Variants in ELOVL7 observed in about 807,000 individuals in gnomAD.
The protein encoded by ELOVL7 is ELOVL fatty acid elongase 7, also known as very long chain fatty acid elongase 7.
In ELOVL7, 27 loss-of-function variants were observed where a neutral mutation model predicts 35.7. That is an observed-to-expected ratio of 0.76 (90% CI 0.56 to 1.04). The LOEUF is 1.04. Among genes scored for constraint, ELOVL7 ranks in the 50% least tolerant of loss-of-function variants. The pLI, the probability that ELOVL7 is intolerant of heterozygous loss-of-function variation, is 0.00. For missense variants in ELOVL7, 327 were observed against 340.8 expected (o/e 0.96, Z 0.32); for synonymous variants, 113 against 114.6 (o/e 0.99, Z 0.09).
chr5:60,819,693 C>A (rs1057023180), intron 1 of ELOVL7, among the ~76,000 whole-genome samples: 3 of 151,892 alleles, frequency 2.0e-5, no homozygotes, highest in Non-Finnish European at 4.4e-5. Context: ...GGCTGAGGCA[C>A]GAGAATCATT....
At chr5:60,774,132 T>C (rs1452901858) in intron 3 of ELOVL7, among the ~76,000 whole-genome samples, 1 of 152,218 alleles carries the variant, frequency 6.6e-6, no homozygotes, top group Non-Finnish European at 1.5e-5. Context: ...TAACTCATTC[T>C]ATGAAACCAG....
chr5:60,759,996 C>G (rs1239219722), intron 7 of ELOVL7, among the ~76,000 whole-genome samples: 2 of 152,190 alleles, frequency 1.3e-5, no homozygotes, highest in African/African-American at 4.8e-5. Context: ...GCATAGTATT[C>G]CATGGTATAT....
Position 60,754,642 on chromosome 5 carries a change from G to A in ELOVL7, c.828C>T (p.Cys276=). ...RLPKTVKNGT[C]KNKDN is the part of the protein sequence containing the mutation. ...TTGGGCTTCAATTATCTTTGTTTTTGCAAGTTCCATTTTTCACAGTTTTGG... is the reference window on the plus strand; with the variant it reads ...TTGGGCTTCAATTATCTTTGTTTTTACAAGTTCCATTTTTCACAGTTTTGG... Residue 276 remains cysteine, a synonymous_variant, in exon 9 of 9, where the codon TGC becomes TGT. Transcript: ENST00000508821. 6.2e-7 allele frequency: 1 copy of A among 1,613,844 alleles called. No homozygotes were observed. The highest frequency in any genetic ancestry group is 2.2e-5 in the East Asian group (1 of 44,870).
chr5:60,759,479 T>C (rs1741748827), intron 7 of ELOVL7, among the ~76,000 whole-genome samples: 1 of 152,138 alleles, frequency 6.6e-6, no homozygotes, highest in Non-Finnish European at 1.5e-5. Context: ...GCCAAATACC[T>C]CTCAAATTCA....
chr5:60,787,242 T>C, intron 3 of ELOVL7, 92 bp downstream of exon 3: 1 of 1,083,210 alleles, frequency 9.2e-7, no homozygotes, highest in Non-Finnish European at 1.4e-6. Flanking sequence ...AGTTGCAAAG[T>C]CTCTCATTCT....
chr5:60,772,446 G>A (rs748207725), intron 3 of ELOVL7, among the ~76,000 whole-genome samples: 3 of 152,104 alleles, frequency 2.0e-5, no homozygotes, highest in African/African-American at 4.8e-5. Context: ...GTACCCGACC[G>A]TGCTGGCACC....
chr5:60,753,584 C>G lies in ELOVL7; in HGVS notation c.*1040G>C, dbSNP rs899468919. 2.0e-5 allele frequency: 3 copies of G among 152,134 alleles called. No individual in the cohort carries two copies. Among genetic ancestry groups the G allele is most frequent in the Non-Finnish European group, 2.9e-5 (2 of 68,010 alleles). The allele number at this position is 152,134 out of a possible 1,614,324, so 9.4% of individuals were successfully genotyped here. On this transcript the variant is annotated 3_prime_UTR_variant, in exon 9 of 9. Coordinates refer to ENST00000508821, the MANE Select transcript of ELOVL7 (RefSeq NM_024930.3). ...GGATATTCTCTGTGCCACAATTTGC[C>G]TCTAGTTGCTTCACAGCCACTCTAA...
intron 2 of ELOVL7, among the ~76,000 whole-genome samples, chr5:60,798,414 T>C (rs1223270734): frequency 5.9e-5 from 9 of 152,120 alleles, no homozygotes; most frequent in Admixed American, 6.5e-5. Flanking sequence ...AAAGGGCTCC[T>C]CCTCCCAATT....
At chr5:60,796,251 G>C (rs1744254330) in intron 2 of ELOVL7, among the ~76,000 whole-genome samples, 1 of 152,162 alleles carries the variant, frequency 6.6e-6, no homozygotes, top group Non-Finnish European at 1.5e-5. Flanking sequence ...TACTTTAGCA[G>C]AAACAAAATC....
Position 60,754,672 on chromosome 5 carries a change from C to A in ELOVL7, c.798G>T (p.Arg266Ser). 1.9e-6 allele frequency: 3 copies of A among 1,614,012 alleles called. No individual in the cohort carries two copies. The highest frequency in any genetic ancestry group is 2.5e-6 in the Non-Finnish European group (3 of 1,179,980). ...FWYRAYTKGQ[R>S]LPKTVKNGTC... The stretch of plus-strand genomic sequence containing the variant: ...TTCCATTTTTCACAGTTTTGGGCAA[C>A]CTCTGACCTTTGGTGTAAGCACGGT... The change falls in exon 9 of 9, where the codon AGG becomes AGT. Residue 266 changes from arginine to serine, a missense_variant. Transcript: ENST00000508821.
At position 60,770,132 on chromosome 5, in the gene ELOVL7, T is replaced by TA. The variant is rs562814598; in HGVS notation, c.255+1770dup. Among the ~76,000 whole-genome samples the TA allele has an allele frequency of 1.5e-4, 23 of 151,704 alleles. No individual in the cohort carries two copies. In the South Asian group the frequency reaches 4.8e-3, roughly 32 times the overall value. On this transcript the variant is annotated intron_variant, in intron 4 of 8. Coordinates refer to ENST00000508821, the MANE Select transcript of ELOVL7 (RefSeq NM_024930.3). ...GCAGGTAGTTCCTGAAACTGACACA[T>TA]AAGTAACTCAAGTATTAGCAGTAAA...
At chr5:60,756,110 C>T (rs1456037788) in intron 8 of ELOVL7, among the ~76,000 whole-genome samples, 1 of 148,524 alleles carries the variant, frequency 6.7e-6, no homozygotes, top group Non-Finnish European at 1.5e-5. Flanking sequence ...ACATTCTATG[C>T]ATGTGTATGT....
At chr5:60,768,386 C>T (rs1742372504) in intron 4 of ELOVL7, among the ~76,000 whole-genome samples, 2 of 152,178 alleles carry the variant, frequency 1.3e-5, no homozygotes, top group Admixed American at 1.3e-4. Flanking sequence ...CATAAGATAG[C>T]TGCGACAACT....
intron 1 of ELOVL7, among the ~76,000 whole-genome samples, chr5:60,840,126 C>T (rs1359860323): frequency 6.6e-6 from 1 of 152,160 alleles, no homozygotes; most frequent in African/African-American, 2.4e-5. Flanking sequence ...AAATTATTTG[C>T]AGATAGGCGC....
intron 3 of ELOVL7, among the ~76,000 whole-genome samples, chr5:60,786,644 T>A (rs925291873): frequency 6.6e-6 from 1 of 152,076 alleles, no homozygotes; most frequent in Non-Finnish European, 1.5e-5. Context: ...TGCAACTCTT[T>A]CATTCAAAAG....
chr5:60,795,329 G>T (rs1478540896), intron 2 of ELOVL7, among the ~76,000 whole-genome samples: 1 of 152,174 alleles, frequency 6.6e-6, no homozygotes, highest in African/African-American at 2.4e-5. Flanking sequence ...CACGGGGCTT[G>T]TAACTCAGCT....
At chr5:60,769,900 A>C (rs375162986) in intron 4 of ELOVL7, among the ~76,000 whole-genome samples, 1 of 152,078 alleles carries the variant, frequency 6.6e-6, no homozygotes, top group African/African-American at 2.4e-5. Flanking sequence ...AAATACAAAA[A>C]ATTAGCTAGA....
At chr5:60,807,992 C>CAAAAAAAAAAAAA (rs34086506) in intron 1 of ELOVL7, among the ~76,000 whole-genome samples, 2 of 42,422 alleles carry the variant, frequency 4.7e-5, no homozygotes, top group African/African-American at 7.7e-5. Flanking sequence ...GACTCCGTCT[C>CAAAAAAAAAAAAA]AAAAAAAAAA....
At chr5:60,808,575 T>C (rs1300360394) in intron 1 of ELOVL7, among the ~76,000 whole-genome samples, 3 of 152,206 alleles carry the variant, frequency 2.0e-5, no homozygotes, top group African/African-American at 7.2e-5. Flanking sequence ...CAATTCCTAT[T>C]AAAATCCCAT....
Sources: gnomAD v4.1 joint callset for allele counts (sites outside exome capture counted in the v4.1 genomes callset) on GRCh38, gnomAD v4.1.1 for gene constraint, MANE v1.5 for transcripts, NCBI Gene and HGNC (gene_info 2026-07-23, HGNC 2026-07-21) for gene names.